Variants in HPX observed in about 807,000 individuals in gnomAD.
The protein encoded by HPX is beta-1B-glycoprotein.
In HPX, 42 loss-of-function variants were observed where a neutral mutation model predicts 53.8. The observed-to-expected ratio is 0.78, with a 90% CI of 0.61 to 1.01. The LOEUF (loss-of-function observed/expected upper bound fraction) is 1.01. Ranked by LOEUF, HPX falls within the 50% of genes least tolerant of loss-of-function variation. HPX has a pLI of 0.00. For missense variants in HPX, 547 were observed against 594.3 expected (o/e 0.92, Z 0.83); for synonymous variants, 229 against 221.1 (o/e 1.04, Z -0.32).
At chr11:6,439,492 T>A (rs1849458526) in intron 4 of HPX, 1 of 152,784 alleles carries the variant, frequency 6.5e-6, no homozygotes, top group Non-Finnish European at 1.5e-5. Flanking sequence ...AAAGTAGATC[T>A]AGATCCAGTG....
rs1849443986 is a variant in HPX, at chr11:6,438,412, G to A, written c.434C>T (p.Ala145Val). 6.2e-7 allele frequency: 1 copy of A among 1,614,082 alleles called. No individual in the cohort carries two copies. The highest frequency in any genetic ancestry group is 8.5e-7 in the Non-Finnish European group (1 of 1,179,916). The stretch of plus-strand genomic sequence containing the variant: ...TTCTCCACGGTGACATTCCACAGCT[G>A]CATCCAGTGGGGATGGGATTCCAGG... The part of the protein sequence containing the change: ...EFPGIPSPLD[A>V]AVECHRGECQ... Residue 145 changes from alanine to valine, a missense_variant, in exon 5 of 10, where the codon GCA becomes GTA. By Grantham distance (64) the Ala-to-Val change is moderately conservative (BLOSUM62 0). Transcript: ENST00000265983.
intron 2 of HPX, 29 bp from the exon 3 acceptor site, chr11:6,440,567 TAAAAAAAAAAAAAAAAAAA>T (rs71056749): frequency 2.2e-4 from 128 of 591,140 alleles, no homozygotes; most frequent in Middle Eastern, 1.5e-3. Flanking sequence ...GATGGCAAAG[TAAAAAAAAAAAAAAAAAAA>T]AAAAAAAAAA....
intron 7 of HPX, among the ~76,000 whole-genome samples, chr11:6,435,490 G>A: frequency 6.6e-6 from 1 of 151,562 alleles, no homozygotes; most frequent in Non-Finnish European, 1.5e-5. Flanking sequence ...TTTGAGACAT[G>A]GTCTCACTCT....
chr11:6,440,420 G>T (rs1849467085), intron 3 of HPX, 47 bp downstream of exon 3: 2 of 1,591,174 alleles, frequency 1.3e-6, no homozygotes, highest in African/African-American at 2.7e-5. Flanking sequence ...CTTTGTGAAG[G>T]AGAGTAAGTC....
Position 6,431,199 on chromosome 11 carries a change from T to A in HPX, c.*12A>T. On this transcript the variant is annotated 3_prime_UTR_variant, in exon 10 of 10. Transcript: ENST00000265983. ...GAGGTGGGGCCAGGCCAGACTCATG[T>A]CAGAAGGCCCCTCAGTGAGTGCAGC... 6 of 1,613,938 alleles carry A rather than the reference T, an allele frequency of 3.7e-6. No homozygotes were observed. Among genetic ancestry groups the A allele is most frequent in the Non-Finnish European group, 5.1e-6 (6 of 1,179,854 alleles).
chr11:6,440,234 T>C lies in HPX; in HGVS notation c.267A>G (p.Arg89=), dbSNP rs367700815. 3 of 1,614,004 alleles carry C rather than the reference T, an allele frequency of 1.9e-6. No individual in the cohort carries two copies. The highest frequency in any genetic ancestry group is 2.5e-6 in the Non-Finnish European group (3 of 1,179,992). ...HKWDRELISE[R]WKNFPSPVDA... is the part of the protein sequence containing the mutation. ...CCACAGGGCTGGGGAAATTCTTCCA[T>C]CTCTCTGAGATTAACTCCCGGTCCC... Residue 89 remains arginine (R), a synonymous_variant, in exon 4 of 10, where the codon AGA becomes AGG. Coordinates refer to ENST00000265983, the MANE Select transcript of HPX (RefSeq NM_000613.3).
intron 7 of HPX, among the ~76,000 whole-genome samples, chr11:6,436,698 G>A (rs1003777449): frequency 6.6e-6 from 1 of 152,170 alleles, no homozygotes; most frequent in African/African-American, 2.4e-5. Flanking sequence ...GAGGCAAGGA[G>A]GTACAGAGAC....
rs529518648 is a variant in HPX, at chr11:6,433,386, A to T, written c.836-1369T>A. 3.3e-5 allele frequency among the ~76,000 whole-genome samples: 5 copies of T among 152,332 alleles called. No homozygotes were observed. In the East Asian group the frequency reaches 9.6e-4, roughly 29 times the overall value. On this transcript the variant is annotated intron_variant, in intron 7 of 9. Coordinates refer to ENST00000265983, the MANE Select transcript of HPX (RefSeq NM_000613.3). ...GAGACGAGGTTTCACCATGTTGGTC[A>T]AGCTGGTCTCGAACTCCTGACCTCA...
intron 7 of HPX, 140 bp downstream of exon 7, chr11:6,436,906 C>T (rs1849423985): frequency 3.3e-6 from 3 of 903,838 alleles, no homozygotes; most frequent in Non-Finnish European, 5.2e-6. Flanking sequence ...ATGAGGGATG[C>T]AGAAGGGCAT....
chr11:6,434,251 C>T (rs949751368), intron 7 of HPX, among the ~76,000 whole-genome samples: 1 of 152,182 alleles, frequency 6.6e-6, no homozygotes, highest in African/African-American at 2.4e-5. Context: ...ACTGAGTATA[C>T]AGCGGTGACT....
intron 3 of HPX, 32 bp from the exon 4 acceptor site, chr11:6,440,318 G>A (rs1350223288): frequency 1.2e-6 from 2 of 1,612,926 alleles, no homozygotes; most frequent in African/African-American, 1.3e-5. Flanking sequence ...GAGGGGCCCA[G>A]TGAGAAACCT....
intron 7 of HPX, among the ~76,000 whole-genome samples, chr11:6,433,288 T>C (rs1424552236): frequency 6.6e-6 from 1 of 152,136 alleles, no homozygotes; most frequent in African/African-American, 2.4e-5. Flanking sequence ...GCGATTCTCC[T>C]GCCTCAGCCT....
At chr11:6,432,171 C>T (rs1590803164) in intron 7 of HPX, 154 bp from the exon 8 acceptor site, 1 of 798,750 alleles carries the variant, frequency 1.3e-6, no homozygotes, top group East Asian at 2.6e-5. Context: ...TAGAGCAAGA[C>T]TTGGTCAGCA....
At chr11:6,437,304 A>T (rs909459121) in intron 6 of HPX, 127 bp from the exon 7 acceptor site, 2 of 1,392,328 alleles carry the variant, frequency 1.4e-6, no homozygotes, top group East Asian at 2.4e-5. Context: ...GGGAAAATCC[A>T]GAATGGAAAT....
chr11:6,440,096 T>C, intron 4 of HPX, 69 bp downstream of exon 4: 4 of 1,604,582 alleles, frequency 2.5e-6, no homozygotes, highest in Non-Finnish European at 3.4e-6. Context: ...CCAAGGCCAT[T>C]TGGGGGAAGG....
rs548806193 is a variant in HPX, at chr11:6,431,752, C to T, written c.1018G>A (p.Gly340Ser). 90 of 1,614,058 alleles carry T rather than the reference C, an allele frequency of 5.6e-5. No individual in the cohort carries two copies. The highest frequency in any genetic ancestry group is 1.3e-4 in the East Asian group (6 of 44,900). Residue 340 changes from glycine to serine, a missense_variant, in exon 9 of 10, where the codon GGT (glycine) becomes AGT (serine). Gly to Ser is a moderately conservative substitution (Grantham distance 56). Coordinates refer to ENST00000265983, the MANE Select transcript of HPX (RefSeq NM_000613.3). ...LTKGGYTLVS[G>S]YPKRLEKEVG... ...TCCTTCTCCAGCCGCTTCGGATAAC[C>T]GCTTACTAGGGTATAGCCTCCCTTT...
At position 6,433,420 on chromosome 11, in the gene HPX, A is replaced by C. The variant is rs148144910; in HGVS notation, c.836-1403T>G. On this transcript the variant is annotated intron_variant, in intron 7 of 9. Coordinates refer to ENST00000265983, the MANE Select transcript of HPX (RefSeq NM_000613.3). Reference sequence around the variant, plus strand: ...TCGAACTCCTGACCTCAGGTGATCCACTCGCCTTGGCCTCCCAAAGTGCTA... The same window carrying C: ...TCGAACTCCTGACCTCAGGTGATCCCCTCGCCTTGGCCTCCCAAAGTGCTA... 6.5e-3 allele frequency among the ~76,000 whole-genome samples: 990 copies of C among 152,200 alleles called. 10 individuals carry two copies. The highest frequency in any genetic ancestry group is 8.9e-3 in the Non-Finnish European group (604 of 68,000).
Position 6,431,624 on chromosome 11 carries a change from A to T in HPX, c.1129+17T>A, listed in dbSNP as rs1313973878. The T allele has an allele frequency of 5.6e-6, 9 of 1,612,450 alleles. No homozygotes were observed. Among genetic ancestry groups the T allele is most frequent in the Non-Finnish European group, 7.6e-6 (9 of 1,179,808 alleles). On this transcript the variant is annotated intron_variant, in intron 9 of 9. Transcript: ENST00000265983. ...TAGCAGAACAAGCTGCCCTCTAAGC[A>T]CCCAGAAGCCCCTCACCTGCCATGA...
chr11:6,434,879 GA>G (rs142334753), intron 7 of HPX, among the ~76,000 whole-genome samples: 1,536 of 152,258 alleles, frequency 0.01, 22 homozygotes, highest in African/African-American at 0.036. Flanking sequence ...AAAGTGGAGA[GA>G]ACATGATGGT....
Sources: allele counts gnomAD v4.1 joint callset (sites outside exome capture counted in the v4.1 genomes callset), GRCh38; gene constraint gnomAD v4.1.1; transcripts MANE v1.5; gene names NCBI Gene and HGNC (gene_info 2026-07-23, HGNC 2026-07-21).